Variants in DRC11 observed in about 807,000 individuals in gnomAD.
DRC11 encodes dynein regulatory complex subunit 11.
the DRC11 span, among the ~76,000 whole-genome samples, chr2:236,468,098 A>G: frequency 1.3e-5 from 2 of 152,196 alleles, no homozygotes; most frequent in African/African-American, 2.4e-5. Context: ...ATGAGAACAT[A>G]TAACTTTTCT....
At chr2:236,373,226 C>A in the DRC11 span, among the ~76,000 whole-genome samples, 1 of 151,166 alleles carries the variant, frequency 6.6e-6, no homozygotes, top group Non-Finnish European at 1.5e-5. Context: ...GCTGTTCTCA[C>A]ACGTCTTCTA....
the DRC11 span, among the ~76,000 whole-genome samples, chr2:236,444,564 T>C: frequency 6.6e-6 from 1 of 152,200 alleles, no homozygotes; most frequent in African/African-American, 2.4e-5. Context: ...AGCCATTCCC[T>C]TGGCCACTGC....
chr2:236,349,701 C>T, the DRC11 span, among the ~76,000 whole-genome samples: 19 of 152,292 alleles, frequency 1.2e-4, no homozygotes, highest in African/African-American at 4.3e-4. The surrounding 1 kb of genome is among the most constrained non-coding windows in gnomAD (Gnocchi z 5.5). Context: ...AAGAAGGGAA[C>T]AGCAGGCACT....
the DRC11 span, chr2:236,380,736 G>A: frequency 2.4e-6 from 2 of 845,056 alleles, no homozygotes; most frequent in East Asian, 2.6e-5. The surrounding 1 kb of genome is among the most constrained non-coding windows in gnomAD (Gnocchi z 4.9). Context: ...GGTGGTGGGA[G>A]GTGGAAAGTT....
chr2:236,501,527 G>A, the DRC11 span, among the ~76,000 whole-genome samples: 1 of 152,124 alleles, frequency 6.6e-6, no homozygotes, highest in African/African-American at 2.4e-5. Flanking sequence ...AAGCAGGAGG[G>A]GCTGGAAGAA....
At chr2:236,409,639 T>C in the DRC11 span, among the ~76,000 whole-genome samples, 6 of 152,076 alleles carry the variant, frequency 3.9e-5, no homozygotes, top group Non-Finnish European at 7.3e-5. Context: ...GAACTTCCAA[T>C]ACTATGTTGA....
chr2:236,436,184 G>T, the DRC11 span, among the ~76,000 whole-genome samples: 1 of 151,954 alleles, frequency 6.6e-6, no homozygotes, highest in Non-Finnish European at 1.5e-5. Context: ...TTAAATTCCT[G>T]TTTATATTCT....
chr2:236,396,178 T>A, the DRC11 span, among the ~76,000 whole-genome samples: 1 of 151,624 alleles, frequency 6.6e-6, no homozygotes, highest in African/African-American at 2.4e-5. Flanking sequence ...AGGAAGCTAT[T>A]CATGGCCCTC....
chr2:236,459,568 T>C, the DRC11 span, among the ~76,000 whole-genome samples: 10,121 of 126,522 alleles, frequency 0.08, 880 homozygotes, highest in Non-Finnish European at 0.1. Flanking sequence ...TACGTATATA[T>C]GTGTATACAT....
the DRC11 span, among the ~76,000 whole-genome samples, chr2:236,322,412 CT>C: frequency 6.6e-6 from 1 of 151,314 alleles, no homozygotes; most frequent in African/African-American, 2.4e-5. Flanking sequence ...TTCTTTTTTT[CT>C]TTTTTTGTAT....
At chr2:236,366,720 C>T in the DRC11 span, among the ~76,000 whole-genome samples, 49 of 148,772 alleles carry the variant, frequency 3.3e-4, no homozygotes, top group African/African-American at 1.2e-3. Context: ...ATTAGGGAGG[C>T]GTTCCCTTCC....
chr2:236,340,566 G>A, the DRC11 span, among the ~76,000 whole-genome samples: 21 of 152,280 alleles, frequency 1.4e-4, no homozygotes, highest in African/African-American at 4.8e-4. Context: ...CATTTGGGGT[G>A]CACATGTGAG....
At chr2:236,318,503 G>C in the DRC11 span, among the ~76,000 whole-genome samples, 1 of 152,110 alleles carries the variant, frequency 6.6e-6, no homozygotes, top group East Asian at 1.9e-4. The surrounding 1 kb of genome is among the most constrained non-coding windows in gnomAD (Gnocchi z 7.0). Context: ...ATGTGTATCT[G>C]TGTATGTGTG....
chr2:236,424,071 G>A, the DRC11 span, among the ~76,000 whole-genome samples: 1 of 120,098 alleles, frequency 8.3e-6, no homozygotes, highest in East Asian at 3.0e-4. Flanking sequence ...GGAGGGGGGA[G>A]GGATAGCATT....
At chr2:236,503,050 CTA>C in the DRC11 span, among the ~76,000 whole-genome samples, 3 of 152,168 alleles carry the variant, frequency 2.0e-5, no homozygotes, top group Non-Finnish European at 4.4e-5. This position sits in a 1 kb window ranked among gnomAD's most constrained non-coding sequence, Gnocchi z 4.9. Context: ...AGACTAAAGA[CTA>C]TAAATAAATC....
At chr2:236,340,384 A>T in the DRC11 span, among the ~76,000 whole-genome samples, 4 of 152,318 alleles carry the variant, frequency 2.6e-5, no homozygotes, top group Middle Eastern at 3.4e-3. Context: ...TCGGCCTCCC[A>T]AAGTGCTGGG....
the DRC11 span, among the ~76,000 whole-genome samples, chr2:236,402,951 GTC>G: frequency 6.6e-6 from 1 of 152,164 alleles, no homozygotes; most frequent in Non-Finnish European, 1.5e-5. The surrounding 1 kb of genome is among the most constrained non-coding windows in gnomAD (Gnocchi z 6.0). Flanking sequence ...CTGTCTGTCT[GTC>G]TCTCTCTTTC....
At chr2:236,322,664 T>G in the DRC11 span, among the ~76,000 whole-genome samples, 2 of 152,172 alleles carry the variant, frequency 1.3e-5, no homozygotes, top group Non-Finnish European at 2.9e-5. Context: ...CACGTCTCCA[T>G]GTTAGTGTGC....
chr2:236,422,688 T>C, the DRC11 span, among the ~76,000 whole-genome samples: 60 of 152,128 alleles, frequency 3.9e-4, no homozygotes, highest in Non-Finnish European at 6.9e-4. Context: ...CTTGACAGAA[T>C]TAGAAAAAAC....
Sources: gnomAD v4.1 joint callset for allele counts (sites outside exome capture counted in the v4.1 genomes callset) on GRCh38, gnomAD v4.1.1 for gene constraint, Gnocchi (gnomAD v3.1) non-coding constraint, MANE v1.5 for transcripts, NCBI Gene and HGNC (gene_info 2026-07-23, HGNC 2026-07-21) for gene names.